The following CACNA2D3 variants were observed in gnomAD, a reference collection of about 807,000 sequenced individuals.
CACNA2D3 encodes the protein calcium voltage-gated channel auxiliary subunit alpha2delta 3.
CACNA2D3 carries 60 observed loss-of-function variants against 160.6 expected under a neutral mutation model. That is an observed-to-expected ratio of 0.37 (90% CI 0.30 to 0.46). The LOEUF (loss-of-function observed/expected upper bound fraction) is 0.46, where lower values mean the gene tolerates loss of function less well. Among genes scored for constraint, CACNA2D3 ranks in the 20% least tolerant of loss-of-function variants. CACNA2D3 has a pLI of 1.00. For missense variants in CACNA2D3, 1,205 were observed against 1,365.0 expected, an observed-to-expected ratio of 0.88 and a Z score of 1.85; for synonymous variants, 558 against 492.9, an observed-to-expected ratio of 1.13 and a Z score of -1.75.
intron 9 of CACNA2D3, among the ~76,000 whole-genome samples, chr3:54,613,930 C>T (rs1291654207): frequency 6.6e-6 from 1 of 152,172 alleles, no homozygotes; most frequent in Non-Finnish European, 1.5e-5. Context: ...AAATACACTA[C>T]CAAATCACCA....
intron 3 of CACNA2D3, among the ~76,000 whole-genome samples, chr3:54,366,655 A>G (rs1698832943): frequency 6.6e-6 from 1 of 152,222 alleles, no homozygotes; most frequent in Non-Finnish European, 1.5e-5. Context: ...ATACAACTGA[A>G]AAACCAGCAG....
chr3:54,944,513 C>G (rs967671288), intron 27 of CACNA2D3, among the ~76,000 whole-genome samples: 2 of 152,036 alleles, frequency 1.3e-5, no homozygotes, highest in South Asian at 2.1e-4. Flanking sequence ...CTCTGCCTCC[C>G]GGGTTCACGC....
chr3:54,711,990 AT>A lies in CACNA2D3; in HGVS notation c.1168-40605del, dbSNP rs764370040. ...TTTAATGCAAGAAATAATAGAGACAATTTTGAGTAGGAGGAGGAGCTGCCAT... is the reference window on the plus strand; with the variant it reads ...TTTAATGCAAGAAATAATAGAGACAATTTGAGTAGGAGGAGGAGCTGCCAT... On this transcript the variant is annotated intron_variant, in intron 11 of 37. Transcript: ENST00000474759. Among the ~76,000 whole-genome samples the A allele has an allele frequency of 3.3e-5, 5 of 152,166 alleles. No individual in the cohort carries two copies. In the East Asian group the frequency reaches 7.7e-4, roughly 24 times the overall value.
chr3:54,668,343 A>C (rs1700104056), intron 11 of CACNA2D3, among the ~76,000 whole-genome samples: 1 of 152,220 alleles, frequency 6.6e-6, no homozygotes, highest in African/African-American at 2.4e-5. Context: ...AATCAAGTGC[A>C]AACAGCCCTG....
chr3:55,065,051 CTAAT>C (rs1328160597), intron 35 of CACNA2D3, among the ~76,000 whole-genome samples: 1 of 152,194 alleles, frequency 6.6e-6, no homozygotes, highest in Non-Finnish European at 1.5e-5. Context: ...TCTTCTGACT[CTAAT>C]TAGCCTGCTC....
At chr3:54,874,514 A>G (rs1356573185) in intron 18 of CACNA2D3, 1 of 152,190 alleles carries the variant, frequency 6.6e-6, no homozygotes, top group Non-Finnish European at 1.5e-5. Flanking sequence ...CAAGCTTTCC[A>G]CATTGAATGT....
intron 11 of CACNA2D3, among the ~76,000 whole-genome samples, chr3:54,671,064 A>G (rs186566470): frequency 6.6e-4 from 94 of 141,442 alleles, no homozygotes; most frequent in Admixed American, 2.3e-3. Flanking sequence ...AAACAAACAA[A>G]CAAAAAACAT....
intron 29 of CACNA2D3, among the ~76,000 whole-genome samples, chr3:54,976,487 ATAAT>A (rs1702394869): frequency 6.6e-6 from 1 of 152,100 alleles, no homozygotes; most frequent in South Asian, 2.1e-4. Context: ...TATAATAATA[ATAAT>A]TAAAAAAAGA....
At chr3:54,452,427 C>T (rs1213702062) in intron 4 of CACNA2D3, among the ~76,000 whole-genome samples, 1 of 152,330 alleles carries the variant, frequency 6.6e-6, no homozygotes. Flanking sequence ...GGTGGGGACA[C>T]AGCCAAACCA....
chr3:54,911,134 G>A (rs1559625857), intron 27 of CACNA2D3, among the ~76,000 whole-genome samples: 1 of 151,918 alleles, frequency 6.6e-6, no homozygotes. Flanking sequence ...TAAAAGATAA[G>A]GACTTCTTTG....
chr3:54,736,076 T>TATATATATATATATATATATACATAC (rs1701511214), intron 11 of CACNA2D3, among the ~76,000 whole-genome samples: 1 of 38,212 alleles, frequency 2.6e-5, no homozygotes, highest in Non-Finnish European at 5.6e-5. Flanking sequence ...TATATATACA[T>TATATATATATATATATATATACATAC]ATATATGTAT....
chr3:54,742,821 C>T (rs1183396829), intron 11 of CACNA2D3, among the ~76,000 whole-genome samples: 1 of 152,206 alleles, frequency 6.6e-6, no homozygotes, highest in East Asian at 1.9e-4. Flanking sequence ...ACTGATCTTC[C>T]ATCCATGGGA....
At chr3:55,017,651 T>G (rs1203991073) in intron 34 of CACNA2D3, among the ~76,000 whole-genome samples, 32 of 152,356 alleles carry the variant, frequency 2.1e-4, no homozygotes. Context: ...GTGCCTACTA[T>G]GTGCTCATCC....
chr3:54,158,630 T>A (rs1435128403), intron 2 of CACNA2D3, among the ~76,000 whole-genome samples: 1 of 152,230 alleles, frequency 6.6e-6, no homozygotes, highest in Non-Finnish European at 1.5e-5. Context: ...TTTTCCATGA[T>A]CAAGTTCCCA....
At chr3:54,198,563 A>T (rs1576993544) in intron 2 of CACNA2D3, among the ~76,000 whole-genome samples, 2 of 152,262 alleles carry the variant, frequency 1.3e-5, no homozygotes, top group African/African-American at 2.4e-5. Flanking sequence ...CAATGAAATT[A>T]AATTGGTCAA....
chr3:55,053,895 C>G (rs1048691108), intron 35 of CACNA2D3, among the ~76,000 whole-genome samples: 2 of 151,818 alleles, frequency 1.3e-5, no homozygotes, highest in Non-Finnish European at 3.0e-5. Flanking sequence ...TCATATAGAC[C>G]ATTTATTTTT....
chr3:54,962,084 T>C (rs916855886), intron 27 of CACNA2D3, among the ~76,000 whole-genome samples: 5 of 152,172 alleles, frequency 3.3e-5, no homozygotes, highest in African/African-American at 1.2e-4. Context: ...AATCTATTAA[T>C]AGATTAATCC....
At chr3:54,231,590 G>A (rs964531242) in intron 2 of CACNA2D3, among the ~76,000 whole-genome samples, 15 of 152,182 alleles carry the variant, frequency 9.9e-5, no homozygotes, top group African/African-American at 3.6e-4. Flanking sequence ...CATGTTGTAA[G>A]GATGCTTTGA....
intron 4 of CACNA2D3, among the ~76,000 whole-genome samples, chr3:54,400,380 G>A (rs191640142): frequency 1.3e-5 from 2 of 151,894 alleles, no homozygotes; most frequent in South Asian, 2.1e-4. Flanking sequence ...GAAACCCTGA[G>A]CCCACGACTC....
Sources: gnomAD v4.1 joint callset for allele counts (sites outside exome capture counted in the v4.1 genomes callset) on GRCh38, gnomAD v4.1.1 for gene constraint, MANE v1.5 for transcripts, NCBI Gene and HGNC (gene_info 2026-07-23, HGNC 2026-07-21) for gene names.